The following L3MBTL4 variants were observed in gnomAD, a reference collection of about 807,000 sequenced individuals.
L3MBTL4 encodes the protein L3MBTL histone methyl-lysine binding protein 4, also known as lethal(3)malignant brain tumor-like protein 4.
In L3MBTL4, 70 loss-of-function variants were observed where a neutral mutation model predicts 84.5. The observed-to-expected ratio is 0.83, with a 90% confidence interval of 0.68 to 1.01. The LOEUF (loss-of-function observed/expected upper bound fraction) is 1.01. Among genes scored for constraint, L3MBTL4 ranks in the 50% least tolerant of loss-of-function variants. L3MBTL4 has a pLI of 0.00. For missense variants in L3MBTL4, 715 were observed against 754.8 expected (o/e 0.95, Z 0.62); for synonymous variants, 274 against 259.8 (o/e 1.05, Z -0.52).
chr18:6,280,495 C>G (rs2049276873), intron 4 of L3MBTL4, among the ~76,000 whole-genome samples: 1 of 152,134 alleles, frequency 6.6e-6, no homozygotes, highest in African/African-American at 2.4e-5. Context: ...AGTACTGTTC[C>G]CTTAGCAACA....
intron 10 of L3MBTL4, among the ~76,000 whole-genome samples, chr18:6,216,867 A>G (rs2046348224): frequency 6.6e-6 from 1 of 152,168 alleles, no homozygotes; most frequent in South Asian, 2.1e-4. Context: ...TAGTTTCAGA[A>G]TGTCATGTGA....
chr18:5,994,208 G>A (rs536426451), intron 16 of L3MBTL4, among the ~76,000 whole-genome samples: 139 of 152,296 alleles, frequency 9.1e-4, no homozygotes, highest in Non-Finnish European at 1.6e-3. Flanking sequence ...GGCATCCCCT[G>A]TCACCAAAGT....
chr18:6,111,522 C>G (rs114004240), intron 14 of L3MBTL4, among the ~76,000 whole-genome samples: 2,605 of 152,230 alleles, frequency 0.017, 71 homozygotes, highest in African/African-American at 0.06. Flanking sequence ...TTCCATGGCA[C>G]ATGGCCTTTC....
intron 16 of L3MBTL4, chr18:6,046,814 A>G: frequency 1.3e-6 from 1 of 750,088 alleles, no homozygotes. Context: ...AAGATCTCAA[A>G]CTAACAATCT....
chr18:6,367,474 C>G (rs2053984807), intron 1 of L3MBTL4: 1 of 152,292 alleles, frequency 6.6e-6, no homozygotes, highest in Admixed American at 6.5e-5. Context: ...TCAGGGTGCT[C>G]TCCACCCTGG....
At chr18:6,315,051 A>ATGAT (rs2051025702) in intron 1 of L3MBTL4, among the ~76,000 whole-genome samples, 2 of 152,224 alleles carry the variant, frequency 1.3e-5, no homozygotes, top group East Asian at 3.8e-4. Flanking sequence ...TAGGTAAGAA[A>ATGAT]TATACATAAA....
chr18:6,375,950 T>C (rs1443596900), intron 1 of L3MBTL4, among the ~76,000 whole-genome samples: 1 of 152,198 alleles, frequency 6.6e-6, no homozygotes, highest in East Asian at 1.9e-4. Flanking sequence ...TCCCAAAACA[T>C]GTGGCTACAG....
At chr18:6,010,821 T>C (rs1403679640) in intron 16 of L3MBTL4, among the ~76,000 whole-genome samples, 2 of 152,214 alleles carry the variant, frequency 1.3e-5, no homozygotes, top group African/African-American at 4.8e-5. Flanking sequence ...GGTTTATACC[T>C]AACCAGCCCT....
At chr18:6,215,614 G>A (rs762309277) in intron 11 of L3MBTL4, 136 bp downstream of exon 11, 2 of 469,504 alleles carry the variant, frequency 4.3e-6, no homozygotes, top group East Asian at 6.6e-5. Flanking sequence ...TTAACTAAAA[G>A]AAAAGCATAT....
intron 1 of L3MBTL4, among the ~76,000 whole-genome samples, chr18:6,393,287 C>A (rs922556518): frequency 2.0e-5 from 3 of 152,126 alleles, no homozygotes; most frequent in African/African-American, 4.8e-5. Flanking sequence ...TAGCCCCAAA[C>A]CGGAATTCAG....
chr18:6,381,752 G>T (rs1344447518), intron 1 of L3MBTL4, among the ~76,000 whole-genome samples: 1 of 152,176 alleles, frequency 6.6e-6, no homozygotes, highest in Non-Finnish European at 1.5e-5. Flanking sequence ...TTTCTCTCTG[G>T]CTGCCCTTAA....
At position 6,237,989 on chromosome 18, in the gene L3MBTL4, A is replaced by G. The variant is rs760072721; in HGVS notation, c.759T>C (p.Asn253=). The part of the protein sequence containing the change: ...YVQPVGWCQE[N]GRTLIAPQGY... The stretch of plus-strand genomic sequence containing the variant: ...CTTGGGGTGCTATCAGAGTTCTTCC[A>G]TTCTCCTGACACCAACCAACTGGCT... Residue 253 remains asparagine (N), a synonymous_variant, in exon 10 of 19, where the codon AAT becomes AAC. Transcript: ENST00000317931. The G allele has an allele frequency of 2.1e-5, 34 of 1,614,036 alleles. No individual in the cohort carries two copies. The highest frequency in any genetic ancestry group is 2.7e-5 in the Non-Finnish European group (32 of 1,180,022).
intron 1 of L3MBTL4, among the ~76,000 whole-genome samples, chr18:6,400,067 AG>A (rs1468293878): frequency 6.6e-6 from 1 of 152,218 alleles, no homozygotes; most frequent in African/African-American, 2.4e-5. Flanking sequence ...ATACAAAACA[AG>A]CTTTTACAAA....
chr18:6,346,347 C>A (rs567518450), intron 1 of L3MBTL4, among the ~76,000 whole-genome samples: 2 of 151,688 alleles, frequency 1.3e-5, no homozygotes, highest in African/African-American at 4.8e-5. Context: ...AGTGGGATTA[C>A]CTCAAACCAA....
intron 12 of L3MBTL4, among the ~76,000 whole-genome samples, chr18:6,197,255 T>C (rs2045442997): frequency 6.6e-6 from 1 of 152,176 alleles, no homozygotes; most frequent in African/African-American, 2.4e-5. Flanking sequence ...TCCCAAAGCT[T>C]TCCCTCCCCA....
chr18:6,315,658 A>T (rs1249057125), intron 1 of L3MBTL4, among the ~76,000 whole-genome samples: 1 of 152,154 alleles, frequency 6.6e-6, no homozygotes, highest in African/African-American at 2.4e-5. Flanking sequence ...CTATATTGCA[A>T]GTTTAGTTAT....
At chr18:6,143,018 T>C (rs974543127) in intron 13 of L3MBTL4, among the ~76,000 whole-genome samples, 1 of 152,174 alleles carries the variant, frequency 6.6e-6, no homozygotes, top group Non-Finnish European at 1.5e-5. Context: ...CAATACATTA[T>C]GCAAGCTATC....
intron 10 of L3MBTL4, among the ~76,000 whole-genome samples, chr18:6,234,591 G>T: frequency 1.3e-5 from 2 of 152,296 alleles, no homozygotes; most frequent in East Asian, 3.9e-4. Context: ...GACCATCAGA[G>T]AAATGCAAAT....
chr18:6,377,722 T>C (rs556329554), intron 1 of L3MBTL4, among the ~76,000 whole-genome samples: 5 of 152,244 alleles, frequency 3.3e-5, no homozygotes, highest in African/African-American at 7.2e-5. Context: ...CAGCCTATCA[T>C]TGATGGAAAT....
Sources: allele counts gnomAD v4.1 joint callset (sites outside exome capture counted in the v4.1 genomes callset), GRCh38; gene constraint gnomAD v4.1.1; transcripts MANE v1.5; gene names NCBI Gene and HGNC (gene_info 2026-07-23, HGNC 2026-07-21).